Variants in ASTN2 observed in about 807,000 individuals in gnomAD.
The protein encoded by ASTN2 is astrotactin-2.
In ASTN2, 54 loss-of-function variants were observed where a neutral mutation model predicts 139.8. The observed-to-expected ratio is 0.39, with a 90% CI of 0.31 to 0.48. The LOEUF (loss-of-function observed/expected upper bound fraction) is 0.48, where lower values mean the gene tolerates loss of function less well. ASTN2 is among the 20% of genes least tolerant of loss of function. ASTN2 has a pLI of 0.95. For missense variants in ASTN2, 1,565 were observed against 1,725.1 expected, an observed-to-expected ratio of 0.91 and a Z score of 1.64; for synonymous variants, 756 against 719.5, an observed-to-expected ratio of 1.05 and a Z score of -0.81.
At chr9:116,694,439 G>C (rs996793499) in intron 16 of ASTN2, among the ~76,000 whole-genome samples, 1 of 148,440 alleles carries the variant, frequency 6.7e-6, no homozygotes, top group South Asian at 2.2e-4. Flanking sequence ...GGGTTGCATG[G>C]ATCCTGAGTT....
chr9:117,095,371 A>T (rs1828814823), intron 5 of ASTN2, among the ~76,000 whole-genome samples: 1 of 152,104 alleles, frequency 6.6e-6, no homozygotes, highest in African/African-American at 2.4e-5. Flanking sequence ...CAGGTTTTAG[A>T]CCTTTGTGGA....
At chr9:116,978,495 G>GCGCACACACACA (rs762311934) in intron 7 of ASTN2, among the ~76,000 whole-genome samples, 10,066 of 127,584 alleles carry the variant, frequency 0.079, 466 homozygotes, top group Non-Finnish European at 0.1. Context: ...TCTCTCTCAC[G>GCGCACACACACA]CACACACACA....
intron 5 of ASTN2, among the ~76,000 whole-genome samples, chr9:117,082,742 G>T (rs558651002): frequency 2.6e-5 from 4 of 152,318 alleles, no homozygotes; most frequent in Non-Finnish European, 5.9e-5. Flanking sequence ...GGCAGAGGTT[G>T]CAGTGAGCTG....
chr9:117,154,074 A>G (rs887697937), intron 3 of ASTN2, among the ~76,000 whole-genome samples: 1 of 152,108 alleles, frequency 6.6e-6, no homozygotes, highest in Admixed American at 6.6e-5. Context: ...TTCCCAGTGC[A>G]ATAGGGTGGT....
chr9:116,588,777 G>A (rs1253793258), intron 19 of ASTN2, among the ~76,000 whole-genome samples: 1 of 152,040 alleles, frequency 6.6e-6, no homozygotes, highest in Non-Finnish European at 1.5e-5. Flanking sequence ...ATACTTCAAC[G>A]TTTTTGAAAA....
chr9:117,214,273 T>C, intron 3 of ASTN2, 85 bp downstream of exon 3: 3 of 1,468,318 alleles, frequency 2.0e-6, no homozygotes, highest in Non-Finnish European at 2.7e-6. Flanking sequence ...ACACTGCCTG[T>C]AGTCCCCAAC....
At chr9:116,510,103 T>C (rs904504904) in intron 19 of ASTN2, among the ~76,000 whole-genome samples, 2 of 152,196 alleles carry the variant, frequency 1.3e-5, no homozygotes, top group Admixed American at 6.5e-5. Flanking sequence ...CTGAATGGTA[T>C]TGCCTAGGTT....
At chr9:117,025,242 G>T (rs1283209433) in intron 6 of ASTN2, among the ~76,000 whole-genome samples, 4 of 152,214 alleles carry the variant, frequency 2.6e-5, no homozygotes, top group Non-Finnish European at 2.9e-5. Context: ...GAGGAGAATG[G>T]GCTAAGATTA....
chr9:116,489,998 T>G (rs1885234), intron 19 of ASTN2, among the ~76,000 whole-genome samples: 54,869 of 151,690 alleles, frequency 0.36, 10,513 homozygotes, highest in Admixed American at 0.47. Context: ...ATGTCTCCAT[T>G]TTTCTTTTTG....
chr9:117,414,821 GC>G lies in ASTN2; in HGVS notation c.117del (p.Leu40SerfsTer26). 1.7e-6 allele frequency: 2 copies of G among 1,201,334 alleles called. No homozygotes were observed. Among genetic ancestry groups the G allele is most frequent in the Non-Finnish European group, 2.1e-6 (2 of 966,860 alleles). 74.4% of individuals were successfully genotyped at this position (1,201,334 alleles called of 1,614,324 possible). A position where few individuals can be genotyped will look rare whatever the true frequency, so the allele number is the denominator to read the frequency against. ...PPLLPLLLLF[L>X]LLLPPPPLLA... is the part of the protein sequence containing the mutation. ...AGCAGCGGCGGCGGCGGCAGCAGGA[GC>G]AGGAACAGCAGCAGCAGCGGCAGCA... is the stretch of plus-strand genomic sequence containing the variant. On this transcript the variant is annotated frameshift_variant, in exon 1 of 23. Transcript: ENST00000313400. LOFTEE classifies it high-confidence loss of function. This position sits in a 1 kb window ranked among gnomAD's most constrained non-coding sequence, Gnocchi z 4.2.
intron 4 of ASTN2, among the ~76,000 whole-genome samples, chr9:117,099,224 C>T (rs1325858254): frequency 1.3e-5 from 2 of 152,136 alleles, no homozygotes; most frequent in Non-Finnish European, 1.5e-5. Flanking sequence ...AAACATCTGC[C>T]ATACTCTCTG....
Position 117,384,141 on chromosome 9 carries a change from C to T in ASTN2, c.442+30356G>A, listed in dbSNP as rs147044882. On this transcript the variant is annotated intron_variant, in intron 1 of 22. Transcript: ENST00000313400. ...GGGACTGAGCTGCTGGGCGGGGTTGCGTGACTGCAAATCATAGTCCTTGGA... is the reference window on the plus strand; with the variant it reads ...GGGACTGAGCTGCTGGGCGGGGTTGTGTGACTGCAAATCATAGTCCTTGGA... Among the ~76,000 whole-genome samples the T allele has an allele frequency of 1.4e-4, 22 of 152,196 alleles. No homozygotes were observed. In the East Asian group the frequency reaches 1.7e-3, roughly 12 times the overall value.
chr9:116,815,385 G>A (rs913197275), intron 12 of ASTN2, among the ~76,000 whole-genome samples: 1 of 152,082 alleles, frequency 6.6e-6, no homozygotes, highest in Non-Finnish European at 1.5e-5. Context: ...CATTTAAATT[G>A]GAAGCAAGAA....
intron 10 of ASTN2, among the ~76,000 whole-genome samples, chr9:116,926,785 G>A (rs1834767289): frequency 6.6e-6 from 1 of 152,106 alleles, no homozygotes; most frequent in Non-Finnish European, 1.5e-5. Flanking sequence ...AGAGTGACAC[G>A]GCTGAGATTT....
chr9:117,291,536 C>A, intron 1 of ASTN2, 23 bp from the exon 2 acceptor site: 1 of 1,568,268 alleles, frequency 6.4e-7, no homozygotes, highest in Non-Finnish European at 8.7e-7. Context: ...ACCCGAGGCA[C>A]TGGGTGAGCC....
Position 116,699,442 on chromosome 9 carries a change from A to T in ASTN2, c.2806+26329T>A. On this transcript the variant is annotated intron_variant, in intron 16 of 22. Coordinates refer to ENST00000313400, the MANE Select transcript of ASTN2 (RefSeq NM_001365068.1). The surrounding 1 kb of genome is among the most constrained non-coding windows in gnomAD (Gnocchi z 4.2). ...GGGCAGCTGGGTCGCCAGATTAGCC[A>T]CTTCTTCTCGGAGAATGAGGATTTC... is the stretch of plus-strand genomic sequence containing the variant. The T allele has an allele frequency of 6.2e-7, 1 of 1,613,608 alleles. No individual in the cohort carries two copies. Among genetic ancestry groups the T allele is most frequent in the Non-Finnish European group, 8.5e-7 (1 of 1,179,840 alleles).
intron 1 of ASTN2, among the ~76,000 whole-genome samples, chr9:117,323,774 T>TTA (rs907794117): frequency 2.0e-5 from 3 of 152,158 alleles, no homozygotes; most frequent in Non-Finnish European, 4.4e-5. Context: ...TTTTCTTTCT[T>TTA]TATATATATA....
chr9:116,778,049 A>G (rs537970661), intron 13 of ASTN2, among the ~76,000 whole-genome samples: 5 of 152,006 alleles, frequency 3.3e-5, no homozygotes, highest in South Asian at 2.1e-4. Flanking sequence ...GTTTCACCAT[A>G]TTGGCCAGGC....
chr9:116,449,720 C>A (rs907269040), intron 20 of ASTN2, among the ~76,000 whole-genome samples: 1 of 152,142 alleles, frequency 6.6e-6, no homozygotes, highest in Non-Finnish European at 1.5e-5. Context: ...GCAGCTACCA[C>A]CTTGCTTACT....
Sources: allele counts gnomAD v4.1 joint callset (sites outside exome capture counted in the v4.1 genomes callset), GRCh38; gene constraint gnomAD v4.1.1; non-coding constraint Gnocchi (gnomAD v3.1); transcripts MANE v1.5; gene names NCBI Gene and HGNC (gene_info 2026-07-23, HGNC 2026-07-21).